The following RBFOX1 variants were observed in gnomAD, a reference collection of about 807,000 sequenced individuals.
The protein encoded by RBFOX1 is RNA binding fox-1 homolog 1, also known as RNA binding protein fox-1 homolog 1.
Under a neutral mutation model 57.7 loss-of-function variants are expected in RBFOX1, and 8 were observed. The ratio of observed to expected loss-of-function variants is 0.14; its 90% CI spans 0.08 to 0.25. RBFOX1 has a LOEUF of 0.25. Ranked by LOEUF, RBFOX1 falls within the 10% of genes least tolerant of loss-of-function variation. RBFOX1 has a pLI of 1.00. For synonymous variants in RBFOX1, 326 were observed against 222.4 expected (o/e 1.47, Z -4.15); for missense variants, 611 against 548.5 (o/e 1.11, Z -1.14).
intron 1 of RBFOX1, among the ~76,000 whole-genome samples, chr16:6,187,687 A>C (rs866471560): frequency 9.2e-5 from 14 of 152,248 alleles, no homozygotes; most frequent in Middle Eastern, 3.4e-3. Context: ...TTTAATCAAA[A>C]TTTAGAAGGA....
At chr16:7,011,137 A>G (rs1289936496) in intron 3 of RBFOX1, among the ~76,000 whole-genome samples, 1 of 151,594 alleles carries the variant, frequency 6.6e-6, no homozygotes, top group African/African-American at 2.4e-5. Context: ...TGTCTTACAT[A>G]GTTGAAAAGT....
At chr16:5,827,260 T>C (rs2056092676) in intron 3 of RBFOX1, among the ~76,000 whole-genome samples, 1 of 150,696 alleles carries the variant, frequency 6.6e-6, no homozygotes, top group Admixed American at 6.6e-5. Context: ...ATTAGCCGGG[T>C]GTGGTGGTGG....
chr16:6,888,284 C>T (rs1054622736), intron 3 of RBFOX1, among the ~76,000 whole-genome samples: 4 of 152,146 alleles, frequency 2.6e-5, no homozygotes, highest in Admixed American at 6.5e-5. Context: ...GTGTTTCTGA[C>T]AGCTTAAGTC....
chr16:5,757,865 C>T (rs991872918), intron 3 of RBFOX1, among the ~76,000 whole-genome samples: 3 of 152,142 alleles, frequency 2.0e-5, no homozygotes, highest in East Asian at 3.9e-4. Context: ...GACTACTTCT[C>T]TTGGGTCTCA....
intron 3 of RBFOX1, among the ~76,000 whole-genome samples, chr16:5,774,888 G>A (rs79522488): frequency 6.6e-6 from 1 of 152,038 alleles, no homozygotes; most frequent in African/African-American, 2.4e-5. Flanking sequence ...TCACCATGTT[G>A]GCCAGGCTGG....
intron 4 of RBFOX1, among the ~76,000 whole-genome samples, chr16:7,428,252 C>G (rs1202347223): frequency 6.6e-6 from 1 of 151,402 alleles, no homozygotes; most frequent in Admixed American, 6.6e-5. Context: ...ATTGGCATAT[C>G]GTCACTGCAG....
chr16:5,725,038 C>G (rs1345930673), intron 3 of RBFOX1, among the ~76,000 whole-genome samples: 2 of 152,080 alleles, frequency 1.3e-5, no homozygotes, highest in African/African-American at 2.4e-5. Flanking sequence ...TCCGATCAAC[C>G]CTTTCCCTTG....
intron 11 of RBFOX1, among the ~76,000 whole-genome samples, chr16:7,634,744 G>T (rs1369065826): frequency 2.0e-5 from 3 of 152,202 alleles, no homozygotes; most frequent in Non-Finnish European, 4.4e-5. Context: ...CTTCATGCAG[G>T]TTTAAAACCC....
chr16:7,293,382 C>A (rs1400110397), intron 4 of RBFOX1, among the ~76,000 whole-genome samples: 1 of 152,174 alleles, frequency 6.6e-6, no homozygotes, highest in Non-Finnish European at 1.5e-5. Context: ...TAGAACCAAT[C>A]ACCCATGGAT....
chr16:6,163,335 C>G (rs2096893250), intron 1 of RBFOX1, among the ~76,000 whole-genome samples: 1 of 152,158 alleles, frequency 6.6e-6, no homozygotes, highest in African/African-American at 2.4e-5. Context: ...GAAAGATGAA[C>G]AGCTTTTGGG....
At position 7,082,065 on chromosome 16, in the gene RBFOX1, G is replaced by A. The variant is rs116923272; in HGVS notation, c.27+29967G>A. Among the ~76,000 whole-genome samples the A allele has an allele frequency of 5.1e-4, 77 of 152,206 alleles. No homozygotes were observed. In the East Asian group the frequency reaches 0.01, roughly 21 times the overall value. ...TCCTCTCTGGTTCATAGTGATGGTC[G>A]GTGGTAACCACCCCAATTTGCAGGA... On this transcript the variant is annotated intron_variant, in intron 4 of 15. Transcript: ENST00000550418.
intron 4 of RBFOX1, among the ~76,000 whole-genome samples, chr16:7,425,111 G>T (rs1401496027): frequency 6.6e-6 from 1 of 152,054 alleles, no homozygotes; most frequent in African/African-American, 2.4e-5. Context: ...CCAGGGAAAG[G>T]CTTATACTGT....
rs71408412 is a variant in RBFOX1 at position 6,863,725 on chromosome 16, C to CTTTT, written c.-15-188308_-15-188305dup. Among the ~76,000 whole-genome samples, 227 of 67,760 alleles carry CTTTT rather than the reference C, an allele frequency of 3.4e-3. 15 individuals carry two copies. Among genetic ancestry groups the CTTTT allele is most frequent in the African/African-American group, 6.4e-3 (86 of 13,376 alleles). The allele number at this position is 67,760 out of a possible 152,430, so 44.5% of individuals were successfully genotyped here. The stretch of plus-strand genomic sequence containing the variant: ...CGGAAGCACAAATTGGATGCCTGCG[C>CTTTT]TTTTTTTTTTTTTTTTTTTTTTTTT... On this transcript the variant is annotated intron_variant, in intron 3 of 15. Coordinates refer to ENST00000550418, the MANE Select transcript of RBFOX1 (RefSeq NM_018723.4).
At chr16:7,572,699 C>T (rs1196229082) in intron 5 of RBFOX1, among the ~76,000 whole-genome samples, 2 of 152,140 alleles carry the variant, frequency 1.3e-5, no homozygotes, top group East Asian at 1.9e-4. Flanking sequence ...ATTAGCTGGG[C>T]GTAGTGGCTG....
intron 3 of RBFOX1, among the ~76,000 whole-genome samples, chr16:5,756,275 G>C (rs545732001): frequency 7.4e-5 from 11 of 148,532 alleles, no homozygotes; most frequent in Non-Finnish European, 1.5e-4. Context: ...GCAGTGTATG[G>C]ACATATGAAA....
At chr16:5,910,092 C>A (rs1367364966) in intron 4 of RBFOX1, among the ~76,000 whole-genome samples, 2 of 151,808 alleles carry the variant, frequency 1.3e-5, no homozygotes, top group Non-Finnish European at 2.9e-5. Flanking sequence ...AAAAATAAAT[C>A]TTTGGCAACC....
At chr16:7,154,788 C>G (rs987684512) in intron 4 of RBFOX1, among the ~76,000 whole-genome samples, 1 of 150,326 alleles carries the variant, frequency 6.7e-6, no homozygotes, top group South Asian at 2.1e-4. Flanking sequence ...GTATGGGATA[C>G]ATATTTTACC....
chr16:6,709,610 C>T (rs1201866166), intron 3 of RBFOX1, among the ~76,000 whole-genome samples: 1 of 152,096 alleles, frequency 6.6e-6, no homozygotes, highest in Non-Finnish European at 1.5e-5. Flanking sequence ...ATGAATCTCC[C>T]ATAAGATTGC....
chr16:5,863,875 T>A (rs2057284369), intron 3 of RBFOX1, among the ~76,000 whole-genome samples: 1 of 152,210 alleles, frequency 6.6e-6, no homozygotes, highest in South Asian at 2.1e-4. Flanking sequence ...AGCCAACATT[T>A]CCACAAGGTC....
Sources: gnomAD v4.1 joint callset for allele counts (sites outside exome capture counted in the v4.1 genomes callset) on GRCh38, gnomAD v4.1.1 for gene constraint, MANE v1.5 for transcripts, NCBI Gene and HGNC (gene_info 2026-07-23, HGNC 2026-07-21) for gene names.